DLGAP1: variants seen among roughly 807,000 people sequenced by gnomAD.
DLGAP1 encodes disks large-associated protein 1.
Under a neutral mutation model 90.8 loss-of-function variants are expected in DLGAP1, and 11 were observed. The observed-to-expected ratio is 0.12, with a 90% CI of 0.08 to 0.20. DLGAP1 has a LOEUF of 0.20. Among genes scored for constraint, DLGAP1 ranks in the 10% least tolerant of loss-of-function variants. DLGAP1 has a pLI of 1.00. For missense variants in DLGAP1, 1,050 were observed against 1,333.8 expected (o/e 0.79, Z 3.31); for synonymous variants, 558 against 540.7 (o/e 1.03, Z -0.44).
intron 1 of DLGAP1, among the ~76,000 whole-genome samples, chr18:4,341,032 ATAT>A (rs2081178321): frequency 6.6e-6 from 1 of 152,158 alleles, no homozygotes; most frequent in Non-Finnish European, 1.5e-5. Context: ...GCTAGTTTTG[ATAT>A]TATTTAAGAG....
At chr18:3,739,786 A>G (rs1598527327) in intron 6 of DLGAP1, among the ~76,000 whole-genome samples, 1 of 34,628 alleles carries the variant, frequency 2.9e-5, no homozygotes, top group African/African-American at 1.7e-4. Context: ...AAATAAAAGA[A>G]AAAAAAAGAT....
intron 2 of DLGAP1, among the ~76,000 whole-genome samples, chr18:4,010,830 C>G (rs2074403932): frequency 6.6e-6 from 1 of 151,548 alleles, no homozygotes; most frequent in Non-Finnish European, 1.5e-5. Context: ...TACTGAGCAC[C>G]TATTTATCAT....
intron 1 of DLGAP1, among the ~76,000 whole-genome samples, chr18:4,427,185 C>T (rs2083176236): frequency 6.6e-6 from 1 of 152,174 alleles, no homozygotes; most frequent in African/African-American, 2.4e-5. Flanking sequence ...AGCAGAGAGA[C>T]TGTTCCCGTG....
In DLGAP1 at chr18:3,898,601, T is replaced by C. The variant is rs188447524; in HGVS notation, c.-72-18461A>G. Among the ~76,000 whole-genome samples the C allele has an allele frequency of 2.4e-3, 373 of 152,274 alleles. 1 individual carries two copies. Among genetic ancestry groups the C allele is most frequent in the African/African-American group, 8.1e-3 (336 of 41,554 alleles). Reference sequence around the variant, plus strand: ...GGTTGCAGCATATGGCTGCATAAATTGCATACAGCACAGCTGGGGATGGGG... The same window carrying C: ...GGTTGCAGCATATGGCTGCATAAATCGCATACAGCACAGCTGGGGATGGGG... On this transcript the variant is annotated intron_variant, in intron 3 of 12. Transcript: ENST00000315677.
intron 4 of DLGAP1, chr18:3,845,651 C>T (rs191899480): frequency 3.1e-6 from 3 of 965,360 alleles, no homozygotes; most frequent in East Asian, 2.3e-4. Context: ...CACTTTGCAG[C>T]CCATATAGGG....
At chr18:3,906,057 C>T (rs572957795) in intron 3 of DLGAP1, among the ~76,000 whole-genome samples, 6 of 152,292 alleles carry the variant, frequency 3.9e-5, no homozygotes, top group African/African-American at 9.6e-5. Flanking sequence ...GATTAGGAAA[C>T]GGAGTGTGAT....
At chr18:4,325,007 C>T (rs750485669) in intron 1 of DLGAP1, among the ~76,000 whole-genome samples, 3 of 152,020 alleles carry the variant, frequency 2.0e-5, no homozygotes, top group African/African-American at 7.2e-5. Flanking sequence ...TATTGGAAGT[C>T]CCGACAAGCA....
intron 10 of DLGAP1, among the ~76,000 whole-genome samples, chr18:3,511,198 T>C (rs2050520656): frequency 6.6e-6 from 1 of 152,324 alleles, no homozygotes; most frequent in Non-Finnish European, 1.5e-5. Context: ...AGATGACAAC[T>C]CATATTTCCT....
intron 1 of DLGAP1, among the ~76,000 whole-genome samples, chr18:4,370,910 C>T (rs2081901422): frequency 6.6e-6 from 1 of 152,104 alleles, no homozygotes; most frequent in African/African-American, 2.4e-5. Flanking sequence ...CAATAGTGGG[C>T]CTAGTGTTGT....
At chr18:3,973,046 T>C (rs1292107389) in intron 3 of DLGAP1, among the ~76,000 whole-genome samples, 1 of 152,188 alleles carries the variant, frequency 6.6e-6, no homozygotes, top group Non-Finnish European at 1.5e-5. Context: ...TAATAGCTAA[T>C]TTAAAAATAT....
At chr18:3,570,803 G>A (rs977076881) in intron 8 of DLGAP1, among the ~76,000 whole-genome samples, 2 of 151,682 alleles carry the variant, frequency 1.3e-5, no homozygotes, top group East Asian at 2.0e-4. Context: ...ATAGTGGCAT[G>A]CGCCTGTACT....
At chr18:4,256,536 G>C (rs1273665985) in intron 1 of DLGAP1, among the ~76,000 whole-genome samples, 1 of 152,090 alleles carries the variant, frequency 6.6e-6, no homozygotes, top group East Asian at 1.9e-4. Flanking sequence ...ATTCCTTAGG[G>C]GGAAATATGT....
intron 5 of DLGAP1, among the ~76,000 whole-genome samples, chr18:3,762,057 G>A (rs1446015725): frequency 6.6e-6 from 1 of 152,158 alleles, no homozygotes; most frequent in Non-Finnish European, 1.5e-5. Context: ...CTAATTCAGT[G>A]CCAGTTTTAA....
At chr18:4,079,725 A>T (rs1325478648) in intron 2 of DLGAP1, among the ~76,000 whole-genome samples, 1 of 151,046 alleles carries the variant, frequency 6.6e-6, no homozygotes, top group Non-Finnish European at 1.5e-5. Context: ...AAAGAAAATC[A>T]GTGTGTGTAT....
chr18:4,058,949 C>T (rs767328371), intron 2 of DLGAP1, among the ~76,000 whole-genome samples: 13 of 152,212 alleles, frequency 8.5e-5, no homozygotes, highest in African/African-American at 2.4e-4. Flanking sequence ...GAGACAAGGA[C>T]ATAGGCTGGC....
chr18:4,046,138 G>C (rs1568367689), intron 2 of DLGAP1, among the ~76,000 whole-genome samples: 1 of 152,202 alleles, frequency 6.6e-6, no homozygotes, highest in Non-Finnish European at 1.5e-5. Context: ...AACCAGAACA[G>C]AACTGACCTG....
At chr18:3,784,615 C>T (rs1404957612) in intron 5 of DLGAP1, among the ~76,000 whole-genome samples, 1 of 152,134 alleles carries the variant, frequency 6.6e-6, no homozygotes, top group Non-Finnish European at 1.5e-5. Flanking sequence ...GATCCCTGCC[C>T]GGCTCTGCGC....
At chr18:4,376,736 GT>G (rs894889005) in intron 1 of DLGAP1, among the ~76,000 whole-genome samples, 5 of 152,206 alleles carry the variant, frequency 3.3e-5, no homozygotes, top group Admixed American at 6.5e-5. Context: ...AATGGGTTGT[GT>G]TTCTCTCTGT....
At chr18:3,694,071 C>T (rs989197687) in intron 7 of DLGAP1, among the ~76,000 whole-genome samples, 7 of 142,722 alleles carry the variant, frequency 4.9e-5, no homozygotes, top group African/African-American at 1.9e-4. Flanking sequence ...CAGAGTGTGA[C>T]GTTCCCCTCC....
Sources: gnomAD v4.1 joint callset for allele counts (sites outside exome capture counted in the v4.1 genomes callset) on GRCh38, gnomAD v4.1.1 for gene constraint, MANE v1.5 for transcripts, NCBI Gene and HGNC (gene_info 2026-07-23, HGNC 2026-07-21) for gene names.